Variants in MEF2D observed in about 807,000 individuals in gnomAD.
MEF2D encodes myocyte enhancer factor 2D, also known as myocyte-specific enhancer factor 2D.
In MEF2D, 10 loss-of-function variants were observed where a neutral mutation model predicts 59.3. The ratio of observed to expected loss-of-function variants is 0.17; its 90% CI spans 0.10 to 0.29. The LOEUF (loss-of-function observed/expected upper bound fraction) is 0.29, where lower values mean the gene tolerates loss of function less well. Among genes scored for constraint, MEF2D ranks in the 10% least tolerant of loss-of-function variants. The pLI, the probability that MEF2D is intolerant of heterozygous loss-of-function variation, is 1.00. For synonymous variants in MEF2D, 305 were observed against 295.0 expected, an observed-to-expected ratio of 1.03 and a Z score of -0.35; for missense variants, 508 against 699.4, an observed-to-expected ratio of 0.73 and a Z score of 3.09.
At chr1:156,488,307 G>GC (rs1303038603) in intron 1 of MEF2D, among the ~76,000 whole-genome samples, 1 of 152,188 alleles carries the variant, frequency 6.6e-6, no homozygotes, top group Non-Finnish European at 1.5e-5. Context: ...AAACTACAGG[G>GC]CATCTGCTTT....
intron 11 of MEF2D, 85 bp downstream of exon 11, chr1:156,467,908 G>C (rs1571211339): frequency 6.7e-7 from 1 of 1,489,456 alleles, no homozygotes; most frequent in Non-Finnish European, 9.0e-7. Context: ...CCTCTTGGGT[G>C]GGAAATAAAA....
intron 1 of MEF2D, among the ~76,000 whole-genome samples, chr1:156,491,438 G>A (rs1672784315): frequency 6.6e-6 from 1 of 152,236 alleles, no homozygotes; most frequent in Non-Finnish European, 1.5e-5. Flanking sequence ...CTGCTGGGGA[G>A]GAAAGGCAAT....
chr1:156,493,909 G>C (rs1471960548), intron 1 of MEF2D, among the ~76,000 whole-genome samples: 1 of 152,092 alleles, frequency 6.6e-6, no homozygotes, highest in Non-Finnish European at 1.5e-5. Flanking sequence ...CTGACAGGTG[G>C]GGGAGATAAG....
At chr1:156,492,553 G>A (rs1041308810) in intron 1 of MEF2D, among the ~76,000 whole-genome samples, 10 of 152,194 alleles carry the variant, frequency 6.6e-5, no homozygotes, top group Admixed American at 5.2e-4. Context: ...ATGAAGCCCA[G>A]CAGTGGTCTC....
intron 1 of MEF2D, among the ~76,000 whole-genome samples, chr1:156,493,376 G>A (rs1571270766): frequency 6.6e-6 from 1 of 152,228 alleles, no homozygotes; most frequent in African/African-American, 2.4e-5. Context: ...GGCCGTTCAG[G>A]GCAATAGCTG....
intron 1 of MEF2D, chr1:156,490,428 G>A (rs949282043): frequency 2.0e-5 from 3 of 152,310 alleles, no homozygotes; most frequent in Non-Finnish European, 2.9e-5. Context: ...TCCCTCCCTC[G>A]GGGACTCCCC....
In MEF2D at chr1:156,496,515, T is replaced by C. The variant is rs893873058; in HGVS notation, c.-139+3971A>G. On this transcript the variant is annotated intron_variant, in intron 1 of 11. Transcript: ENST00000348159. Reference sequence around the variant, plus strand: ...TTGACTCACAAGCCATGCTCTTTATTTTGCAGACAGGGCTCTGCCTGCCCA... The same window carrying C: ...TTGACTCACAAGCCATGCTCTTTATCTTGCAGACAGGGCTCTGCCTGCCCA... 2.6e-5 allele frequency among the ~76,000 whole-genome samples: 4 copies of C among 152,082 alleles called. No homozygotes were observed. The East Asian group carries it at 7.7e-4, about 29-fold the overall frequency.
chr1:156,493,068 T>C (rs566601374), intron 1 of MEF2D, among the ~76,000 whole-genome samples: 10 of 152,172 alleles, frequency 6.6e-5, no homozygotes, highest in Non-Finnish European at 1.5e-4. Flanking sequence ...TCCCCTTTTT[T>C]AAAGCAGCAA....
intron 1 of MEF2D, among the ~76,000 whole-genome samples, chr1:156,484,657 G>A (rs532904023): frequency 9.2e-5 from 14 of 152,340 alleles, no homozygotes; most frequent in African/African-American, 3.4e-4. Flanking sequence ...CAGAGAACCT[G>A]CTGTCTCAGG....
rs971380135 is a variant in MEF2D at position 156,466,331 on chromosome 1, C to A, written c.*1314G>T. 1 of 152,706 alleles carries A rather than the reference C, an allele frequency of 6.5e-6. No individual in the cohort carries two copies. Among genetic ancestry groups the A allele is most frequent in the African/African-American group, 2.4e-5 (1 of 41,412 alleles). 9.5% of individuals were successfully genotyped at this position (152,706 alleles called of 1,614,324 possible). A position where few individuals can be genotyped will look rare whatever the true frequency, so the allele number is the denominator to read the frequency against. ...AAAACAGTTTCCTGGACTGTTACACCGCTAACGTTTTCCAAAGGTCGCTAT... is the reference window on the plus strand; with the variant it reads ...AAAACAGTTTCCTGGACTGTTACACAGCTAACGTTTTCCAAAGGTCGCTAT... On this transcript the variant is annotated 3_prime_UTR_variant, in exon 12 of 12. Coordinates refer to ENST00000348159, the MANE Select transcript of MEF2D (RefSeq NM_005920.4).
Position 156,468,687 on chromosome 1 carries a change from A to G in MEF2D, c.1247+93T>C. 1.3e-6 allele frequency: 2 copies of G among 1,544,288 alleles called. No individual in the cohort carries two copies. Among genetic ancestry groups the G allele is most frequent in the East Asian group, 4.5e-5 (2 of 44,190 alleles). On this transcript the variant is annotated intron_variant, in intron 10 of 11. Transcript: ENST00000348159. The surrounding 1 kb of genome is among the most constrained non-coding windows in gnomAD (Gnocchi z 4.3). The stretch of plus-strand genomic sequence containing the variant: ...ACAGCCTCATAGGATGTCCACTAGA[A>G]CCCTGCAGGGAACCCAGCTCCCAAG...
At chr1:156,477,246 T>G in intron 6 of MEF2D, 44 bp from the exon 7 acceptor site, 14 of 1,501,470 alleles carry the variant, frequency 9.3e-6, no homozygotes, top group Non-Finnish European at 1.1e-5. Context: ...AACATGGGCC[T>G]ATCCTTCAGC....
At position 156,475,236 on chromosome 1, in the gene MEF2D, T is replaced by C. The variant is rs1253952766; in HGVS notation, c.878A>G (p.Asn293Ser). ...HHLTEDHLDLNNAQRLGVSQS... is the reference protein window; with the variant it reads ...HHLTEDHLDLSNAQRLGVSQS... ...GGAGACCCCAAGGCGCTGGGCATTG[T>C]TCTGTAGGAGAAAACTGTCCGTCAG... The change falls in exon 9 of 12, where the codon AAC becomes AGC. Residue 293 changes from asparagine to serine, a missense_variant and splice_region_variant. By Grantham distance (46) the Asn-to-Ser change is conservative. Around this residue, in one of 2 missense-constraint regions of MEF2D, gnomAD observed 481 missense variants for 584.7 expected, o/e 0.82. Coordinates refer to ENST00000348159, the MANE Select transcript of MEF2D (RefSeq NM_005920.4). 2 of 1,604,062 alleles carry C rather than the reference T, an allele frequency of 1.2e-6. No individual in the cohort carries two copies. Among genetic ancestry groups the C allele is most frequent in the Admixed American group, 1.7e-5 (1 of 58,556 alleles).
chr1:156,477,329 G>C (rs1173076326), intron 6 of MEF2D, 127 bp from the exon 7 acceptor site: 2 of 754,956 alleles, frequency 2.6e-6, no homozygotes, highest in Non-Finnish European at 4.3e-6. Context: ...TTTGAGTGGG[G>C]GCTGAGCTAT....
intron 1 of MEF2D, among the ~76,000 whole-genome samples, chr1:156,485,729 T>C (rs985347400): frequency 1.4e-5 from 2 of 145,912 alleles, no homozygotes; most frequent in Non-Finnish European, 3.0e-5. Context: ...AGATACAGGG[T>C]GTTGCTTTGT....
At chr1:156,477,834 G>A (rs1671719261) in intron 6 of MEF2D, among the ~76,000 whole-genome samples, 1 of 152,230 alleles carries the variant, frequency 6.6e-6, no homozygotes, top group African/African-American at 2.4e-5. Context: ...TATTGGCACT[G>A]GGAGACACAT....
Position 156,467,634 on chromosome 1 carries a change from A to G in MEF2D, c.*11T>C, listed in dbSNP as rs982195577. ...TCATCAGGGAGGCTGAGAGGAGGGG[A>G]GTGGGAATCGTCACTTTAATGTCTG... On this transcript the variant is annotated 3_prime_UTR_variant, in exon 12 of 12. Coordinates refer to ENST00000348159, the MANE Select transcript of MEF2D (RefSeq NM_005920.4). The G allele has an allele frequency of 4.5e-6, 6 of 1,320,456 alleles. No homozygotes were observed. Among genetic ancestry groups the G allele is most frequent in the African/African-American group, 1.5e-5 (1 of 66,444 alleles). 81.8% of individuals were successfully genotyped at this position (1,320,456 alleles called of 1,614,324 possible).
chr1:156,475,543 G>A lies in MEF2D; in HGVS notation c.877-306C>T, dbSNP rs189285130. ...GCCTCCCAGTGCAGAGTGAGGGAAGGGAGACATCGTCCATCCCCTGTCTCT... is the reference window on the plus strand; with the variant it reads ...GCCTCCCAGTGCAGAGTGAGGGAAGAGAGACATCGTCCATCCCCTGTCTCT... On this transcript the variant is annotated intron_variant, in intron 8 of 11. Coordinates refer to ENST00000348159, the MANE Select transcript of MEF2D (RefSeq NM_005920.4). Among the ~76,000 whole-genome samples the A allele has an allele frequency of 1.3e-3, 192 of 152,354 alleles. 1 individual carries two copies. The highest frequency in any genetic ancestry group is 2.2e-3 in the Non-Finnish European group (152 of 68,024).
intron 9 of MEF2D, among the ~76,000 whole-genome samples, chr1:156,471,595 A>G (rs905567616): frequency 2.6e-5 from 4 of 152,184 alleles, no homozygotes; most frequent in African/African-American, 4.8e-5. Context: ...TGGCTCCCCA[A>G]GGAGGACCAT....
Sources: gnomAD v4.1 joint callset for allele counts (sites outside exome capture counted in the v4.1 genomes callset) on GRCh38, gnomAD v4.1.1 for gene constraint, gnomAD v4.1.1 regional missense constraint, Gnocchi (gnomAD v3.1) non-coding constraint, MANE v1.5 for transcripts, NCBI Gene and HGNC (gene_info 2026-07-23, HGNC 2026-07-21) for gene names.